The following ERG variants were observed in gnomAD, a reference collection of about 807,000 sequenced individuals.
The protein encoded by ERG is ETS transcription factor ERG, also known as transcriptional regulator ERG.
ERG carries 9 observed loss-of-function variants against 55.3 expected under a neutral mutation model. The observed-to-expected ratio is 0.16, with a 90% CI of 0.10 to 0.28. ERG has a LOEUF of 0.28. ERG is among the 10% of genes least tolerant of loss of function. The pLI is 1.00. For missense variants in ERG, 434 were observed against 631.6 expected, an observed-to-expected ratio of 0.69 and a Z score of 3.35; for synonymous variants, 223 against 237.3, an observed-to-expected ratio of 0.94 and a Z score of 0.55.
chr21:38,370,980 G>C, the ERG span, among the ~76,000 whole-genome samples: 12 of 151,126 alleles, frequency 7.9e-5, no homozygotes, highest in African/African-American at 2.9e-4. Flanking sequence ...AGGAATTGCA[G>C]TGGGTTTCTA....
chr21:38,571,446 G>A (rs2030329637), intron 2 of ERG, among the ~76,000 whole-genome samples: 1 of 152,072 alleles, frequency 6.6e-6, no homozygotes, highest in Non-Finnish European at 1.5e-5. Context: ...GGGAGGCAGA[G>A]GCTGCAGTGA....
At chr21:38,451,128 G>A (rs2058937632) in intron 1 of ERG, 1 of 456,960 alleles carries the variant, frequency 2.2e-6, no homozygotes, top group Non-Finnish European at 4.4e-6. Flanking sequence ...GAGAGAGACA[G>A]AGAGAGAGAG....
chr21:38,458,423 C>CA (rs35307490), intron 1 of ERG, among the ~76,000 whole-genome samples: 14,808 of 83,476 alleles, frequency 0.18, 1,414 homozygotes, highest in East Asian at 0.6. Context: ...GACTCTGGCT[C>CA]AAAAAAAAAA....
chr21:38,660,950 T>C (rs1426825765), intron 1 of ERG, among the ~76,000 whole-genome samples: 1 of 151,820 alleles, frequency 6.6e-6, no homozygotes, highest in South Asian at 2.1e-4. Flanking sequence ...GTTTGGACAC[T>C]ACGCGCCCTG....
At position 38,382,806 on chromosome 21, in the gene ERG, C is replaced by T. The variant is rs962740457; in HGVS notation, c.*597G>A. 5.6e-6 allele frequency: 6 copies of T among 1,066,112 alleles called. No individual in the cohort carries two copies. The African/African-American group carries it at 8.2e-5, about 15-fold the overall frequency. The allele number at this position is 1,066,112 out of a possible 1,614,324, so 66.0% of individuals were successfully genotyped here. ...AAAGGAGTTGGAAACTTTGGGTCATCTTCACAGTTTGAGAAAGCTGACAGC... is the reference window on the plus strand; with the variant it reads ...AAAGGAGTTGGAAACTTTGGGTCATTTTCACAGTTTGAGAAAGCTGACAGC... On this transcript the variant is annotated 3_prime_UTR_variant, in exon 10 of 10. Transcript: ENST00000288319.
intron 3 of ERG, among the ~76,000 whole-genome samples, chr21:38,416,790 A>G (rs545565735): frequency 1.3e-5 from 2 of 152,374 alleles, no homozygotes; most frequent in South Asian, 4.1e-4. Context: ...CTCCCTTGAC[A>G]GGGCAGATTT....
At chr21:38,384,828 G>A (rs1322500267) in intron 9 of ERG, among the ~76,000 whole-genome samples, 2 of 146,386 alleles carry the variant, frequency 1.4e-5, no homozygotes, top group Non-Finnish European at 1.5e-5. Flanking sequence ...AAATGAGGAA[G>A]TTTAGGAAAA....
chr21:38,539,126 T>C (rs1315535464), intron 2 of ERG, among the ~76,000 whole-genome samples: 1 of 152,234 alleles, frequency 6.6e-6, no homozygotes, highest in Non-Finnish European at 1.5e-5. Context: ...AACTAATGCA[T>C]AATGTGATGT....
upstream of ERG, among the ~76,000 whole-genome samples, chr21:38,588,133 G>A (rs1375953276): frequency 2.0e-5 from 3 of 152,210 alleles, no homozygotes; most frequent in African/African-American, 4.8e-5. Flanking sequence ...TACCAGCCGC[G>A]TGAGCTGGCC....
chr21:38,562,947 TAAG>T (rs2059901745), intron 2 of ERG, among the ~76,000 whole-genome samples: 1 of 152,178 alleles, frequency 6.6e-6, no homozygotes, highest in Admixed American at 6.5e-5. Context: ...TTTAAAAAGT[TAAG>T]AAGAGCTACT....
At chr21:38,532,097 A>G (rs2059676269) in intron 2 of ERG, among the ~76,000 whole-genome samples, 1 of 152,240 alleles carries the variant, frequency 6.6e-6, no homozygotes, top group Non-Finnish European at 1.5e-5. Flanking sequence ...GTAGATCACA[A>G]AGAGAATAAG....
chr21:38,632,102 ACT>A (rs779424715), intron 1 of ERG, among the ~76,000 whole-genome samples: 2 of 152,056 alleles, frequency 1.3e-5, no homozygotes, highest in East Asian at 3.9e-4. Flanking sequence ...GCAAAGCAGG[ACT>A]CTGTAGCCAA....
chr21:38,549,068 G>A (rs903036442), intron 2 of ERG, among the ~76,000 whole-genome samples: 4 of 151,774 alleles, frequency 2.6e-5, no homozygotes, highest in Non-Finnish European at 5.9e-5. Context: ...AGCCAAGATC[G>A]CACCACCGCA....
At chr21:38,501,996 T>C (rs1022518981), upstream of ERG, among the ~76,000 whole-genome samples, 1 of 152,264 alleles carries the variant, frequency 6.6e-6, no homozygotes, top group Non-Finnish European at 1.5e-5. Context: ...GTTCCCTTAC[T>C]AACTTCTCTG....
intron 6 of ERG, among the ~76,000 whole-genome samples, chr21:38,397,385 G>T (rs906050838): frequency 1.3e-5 from 2 of 151,994 alleles, no homozygotes; most frequent in African/African-American, 4.8e-5. Flanking sequence ...GGATCACGAG[G>T]TCAAGAGATC....
chr21:38,429,107 G>C (rs1433975862), intron 2 of ERG, among the ~76,000 whole-genome samples: 1 of 152,056 alleles, frequency 6.6e-6, no homozygotes, highest in Non-Finnish European at 1.5e-5. Flanking sequence ...TCATAGCTTA[G>C]CTTCTAGTTA....
At chr21:38,527,421 G>C (rs544900859) in intron 2 of ERG, among the ~76,000 whole-genome samples, 9 of 152,338 alleles carry the variant, frequency 5.9e-5, no homozygotes, top group African/African-American at 1.7e-4. Context: ...GTAACTTCCT[G>C]CTGGCTGAGG....
At chr21:38,522,485 C>T (rs572761200) in intron 2 of ERG, among the ~76,000 whole-genome samples, 1 of 152,034 alleles carries the variant, frequency 6.6e-6, no homozygotes, top group Non-Finnish European at 1.5e-5. Flanking sequence ...TGCAATATGA[C>T]AAATGATTGT....
chr21:38,551,961 T>C (rs553740978), intron 2 of ERG, among the ~76,000 whole-genome samples: 1 of 152,160 alleles, frequency 6.6e-6, no homozygotes, highest in South Asian at 2.1e-4. Context: ...CCCACTATTA[T>C]TGTATGGTTA....
Sources: gnomAD v4.1 joint callset for allele counts (sites outside exome capture counted in the v4.1 genomes callset) on GRCh38, gnomAD v4.1.1 for gene constraint, MANE v1.5 for transcripts, NCBI Gene and HGNC (gene_info 2026-07-23, HGNC 2026-07-21) for gene names.